Variants in COL11A2 observed in about 807,000 individuals in gnomAD.
The protein encoded by COL11A2 is collagen alpha-2(XI) chain.
A neutral mutation model predicts 273.4 loss-of-function variants in COL11A2; 116 were observed. That is an observed-to-expected ratio of 0.42 (90% CI 0.36 to 0.49). The LOEUF (loss-of-function observed/expected upper bound fraction) is 0.49. Ranked by LOEUF, COL11A2 falls within the 20% of genes least tolerant of loss-of-function variation. COL11A2 has a pLI of 0.00. For synonymous variants in COL11A2, 782 were observed against 864.2 expected (o/e 0.90, Z 1.67); for missense variants, 1,866 against 2,309.0 (o/e 0.81, Z 3.93).
In COL11A2 at chr6:33,185,742, A is replaced by AG. The variant is rs1194279553; in HGVS notation, c.834dup (p.Tyr279LeufsTer3). 7 of 1,335,380 alleles carry AG rather than the reference A, an allele frequency of 5.2e-6. No homozygotes were observed. Among genetic ancestry groups the AG allele is most frequent in the South Asian group, 4.6e-5 (4 of 87,020 alleles). 82.7% of individuals were successfully genotyped at this position (1,335,380 alleles called of 1,614,324 possible). ...GTCCCCGTAGTCATCACATCATAATAGGGGGGCTCGTAGTCATAGTAGAGA... is the reference window on the plus strand; with the variant it reads ...GTCCCCGTAGTCATCACATCATAATAGGGGGGGCTCGTAGTCATAGTAGAGA... On this transcript the variant is annotated frameshift_variant, in exon 6 of 66. Coordinates refer to ENST00000341947, the MANE Select transcript of COL11A2 (RefSeq NM_080680.3). LOFTEE classifies it high-confidence loss of function.
Position 33,176,219 on chromosome 6 carries a change from C to A in COL11A2, c.2214+40G>T. The A allele has an allele frequency of 1.2e-6, 2 of 1,608,642 alleles. No homozygotes were observed. Among genetic ancestry groups the A allele is most frequent in the Admixed American group, 1.7e-5 (1 of 59,210 alleles). On this transcript the variant is annotated intron_variant, in intron 28 of 65. Transcript: ENST00000341947. This position sits in a 1 kb window ranked among gnomAD's most constrained non-coding sequence, Gnocchi z 4.9. ...GGAAGGCAGTGAAGAGAGGAGATGG[C>A]AGGACTGAGGTGCTGGGAAGCTGGG...
rs55879324 is a variant in COL11A2 at position 33,177,301 on chromosome 6, G to C, written c.1972-76C>G. 8 of 1,604,692 alleles carry C rather than the reference G, an allele frequency of 5.0e-6. No individual in the cohort carries two copies. The highest frequency in any genetic ancestry group is 4.3e-6 in the Non-Finnish European group (5 of 1,172,978). ...CCAGCCTCCCGGATTCAAAGCATGAGCAACAAGGGCCTGAAACCCTTAATT... is the reference window on the plus strand; with the variant it reads ...CCAGCCTCCCGGATTCAAAGCATGACCAACAAGGGCCTGAAACCCTTAATT... On this transcript the variant is annotated intron_variant, in intron 23 of 65. Coordinates refer to ENST00000341947, the MANE Select transcript of COL11A2 (RefSeq NM_080680.3). The surrounding 1 kb of genome is among the most constrained non-coding windows in gnomAD (Gnocchi z 5.9).
chr6:33,168,632 G>A (rs1275418898), intron 53 of COL11A2, 60 bp from the exon 54 acceptor site: 1 of 1,603,974 alleles, frequency 6.2e-7, no homozygotes, highest in Non-Finnish European at 8.5e-7. Flanking sequence ...GACCCCTCAG[G>A]AGTGGGGCAC....
intron 5 of COL11A2, 36 bp from the exon 6 acceptor site, chr6:33,185,814 T>C (rs1286352012): frequency 7.4e-6 from 4 of 538,252 alleles, no homozygotes; most frequent in Non-Finnish European, 1.2e-5. Context: ...AGGAAGGGGA[T>C]GGGGTAATTG....
rs150429851 is a variant in COL11A2 at position 33,181,154 on chromosome 6, C to T, written c.1136G>A (p.Arg379Gln). 41 of 1,614,094 alleles carry T rather than the reference C, an allele frequency of 2.5e-5. No homozygotes were observed. Among genetic ancestry groups the T allele is most frequent in the African/African-American group, 4.0e-5 (3 of 74,920 alleles). ...CTCTCCTTTCTCTCCCTTCAGCCCT[C>T]GGGGTCCATGGGCAGCCTGAAGGAG... is the stretch of plus-strand genomic sequence containing the variant. ...AHSGAAAHGP[R>Q]GLKGEKGEPA... is the part of the protein sequence containing the mutation. The change falls in exon 9 of 66, where the codon CGA (arginine) becomes CAA (glutamine). Residue 379 changes from arginine (R) to glutamine (Q), a missense_variant. Coordinates refer to ENST00000341947, the MANE Select transcript of COL11A2 (RefSeq NM_080680.3).
rs768281037 is a variant in COL11A2 at position 33,189,346 on chromosome 6, C to G, written c.206G>C (p.Ser69Thr). Residue 69 changes from serine (S) to threonine (T), a missense_variant, in exon 2 of 66, where the codon AGT (serine) becomes ACT (threonine). By Grantham distance (58) the Ser-to-Thr change is moderately conservative. Transcript: ENST00000341947. This position sits in a 1 kb window ranked among gnomAD's most constrained non-coding sequence, Gnocchi z 5.6. ...AYRVARPAQL[S>T]APTRQLFPGG... ...TGGGAAAAGCTGGCGAGTGGGTGCA[C>G]TGAGCTGGGCAGGTCGTGCCACTCG... The G allele has an allele frequency of 6.2e-7, 1 of 1,613,598 alleles. No individual in the cohort carries two copies. The highest frequency in any genetic ancestry group is 1.1e-5 in the South Asian group (1 of 91,092).
At position 33,172,047 on chromosome 6, in the gene COL11A2, C is replaced by T. The variant is rs1249312416; in HGVS notation, c.3042+3G>A. On this transcript the variant is annotated splice_donor_region_variant and intron_variant, in intron 41 of 65. Transcript: ENST00000341947. ...CCTACCACTTCCGGAACCCCAGACTCACTGCAGGGCCAGGGGGGCCAGACG... is the reference window on the plus strand; with the variant it reads ...CCTACCACTTCCGGAACCCCAGACTTACTGCAGGGCCAGGGGGGCCAGACG... 6.2e-7 allele frequency: 1 copy of T among 1,612,998 alleles called. No homozygotes were observed.
Position 33,171,338 on chromosome 6 carries a change from G to C in COL11A2, c.3259-14C>G, listed in dbSNP as rs1313761649. 2 of 1,614,060 alleles carry C rather than the reference G, an allele frequency of 1.2e-6. No homozygotes were observed. The highest frequency in any genetic ancestry group is 4.5e-5 in the East Asian group (2 of 44,894). ...CCCCACCTCACCCTGGGAGGAGAAGGCAGACAAGATATTAGAGAAAGGTGA... is the reference window on the plus strand; with the variant it reads ...CCCCACCTCACCCTGGGAGGAGAAGCCAGACAAGATATTAGAGAAAGGTGA... On this transcript the variant is annotated splice_polypyrimidine_tract_variant and intron_variant, in intron 43 of 65. Transcript: ENST00000341947.
In COL11A2 at chr6:33,179,111, G is replaced by A. The variant is rs1562360141; in HGVS notation, c.1573C>T (p.Gln525Ter). 6.2e-7 allele frequency: 1 copy of A among 1,613,922 alleles called. No individual in the cohort carries two copies. The highest frequency in any genetic ancestry group is 1.3e-5 in the African/African-American group (1 of 75,014). The change falls in exon 16 of 66, where the codon CAG (glutamine) becomes TAG (stop). Residue 525 changes from glutamine (Q) to a stop codon, truncating the protein, a stop_gained. Transcript: ENST00000341947. LOFTEE classifies it high-confidence loss of function. This position sits in a 1 kb window ranked among gnomAD's most constrained non-coding sequence, Gnocchi z 6.4. ...DLGPQGPRGPQGLTGPPGKAG... is the reference protein window; with the variant it reads ...DLGPQGPRGP ...TTGCCAGGAGGGCCTGTGAGGCCCTGAGGTCCTCTGGGGCCCTGGTGAGAG... is the reference window on the plus strand; with the variant it reads ...TTGCCAGGAGGGCCTGTGAGGCCCTAAGGTCCTCTGGGGCCCTGGTGAGAG...
Position 33,173,375 on chromosome 6 carries a change from C to G in COL11A2, c.2709G>C (p.Pro903=), listed in dbSNP as rs779878105. 6.2e-7 allele frequency: 1 copy of G among 1,612,764 alleles called. No individual in the cohort carries two copies. The highest frequency in any genetic ancestry group is 2.2e-5 in the East Asian group (1 of 44,884). The change falls in exon 37 of 66, where the codon CCG becomes CCC. Residue 903 remains proline (P), a synonymous_variant. Transcript: ENST00000341947. This position sits in a 1 kb window ranked among gnomAD's most constrained non-coding sequence, Gnocchi z 6.3. ...CTTCTCCTCTTTGGCCTGGGTGTCC[C>G]GGCAGCCCATCCTTCCCAGGGGGGC... ...PPGPPGKDGL[P]GHPGQRGEVG... is the part of the protein sequence containing the mutation.
intron 52 of COL11A2, 97 bp from the exon 53 acceptor site, chr6:33,168,856 C>A: frequency 2.5e-6 from 4 of 1,601,270 alleles, no homozygotes; most frequent in African/African-American, 1.3e-5. Context: ...CCCTGCCATA[C>A]CCCCGGCTTC....
At chr6:33,168,880 C>T in intron 52 of COL11A2, 75 bp downstream of exon 52, 1 of 1,592,990 alleles carries the variant, frequency 6.3e-7, no homozygotes, top group Non-Finnish European at 8.6e-7. Context: ...ATACCCAAGC[C>T]CAGCGGCCAC....
At chr6:33,185,117 G>T in intron 6 of COL11A2, 63 bp from the exon 7 acceptor site, 3 of 1,266,468 alleles carry the variant, frequency 2.4e-6, no homozygotes, top group Non-Finnish European at 3.4e-6. Context: ...AAGGTTAGCA[G>T]AAGGGAGGCA....
intron 39 of COL11A2, 74 bp downstream of exon 39, chr6:33,172,456 C>A (rs571755517): frequency 2.0e-4 from 309 of 1,566,974 alleles, no homozygotes; most frequent in Admixed American, 7.0e-4. Context: ...CCCCTCAAAT[C>A]TCCAACTACC....
Position 33,179,549 on chromosome 6 carries a change from C to T in COL11A2, c.1447-62G>A. On this transcript the variant is annotated intron_variant, in intron 13 of 65. Coordinates refer to ENST00000341947, the MANE Select transcript of COL11A2 (RefSeq NM_080680.3). This position sits in a 1 kb window ranked among gnomAD's most constrained non-coding sequence, Gnocchi z 6.4. ...GCAGTGGGAACCCCCAGCCCCAGCACTCTCCAAATTCACCCTTCCTCTCCT... is the reference window on the plus strand; with the variant it reads ...GCAGTGGGAACCCCCAGCCCCAGCATTCTCCAAATTCACCCTTCCTCTCCT... The T allele has an allele frequency of 6.7e-7, 1 of 1,487,776 alleles. No individual in the cohort carries two copies. Among genetic ancestry groups the T allele is most frequent in the Non-Finnish European group, 9.2e-7 (1 of 1,089,728 alleles). 92.2% of individuals were successfully genotyped at this position (1,487,776 alleles called of 1,614,324 possible).
Position 33,170,686 on chromosome 6 carries a change from GT to G in COL11A2, c.3475-77del. 6.3e-7 allele frequency: 1 copy of G among 1,595,250 alleles called. No homozygotes were observed. Among genetic ancestry groups the G allele is most frequent in the East Asian group, 2.2e-5 (1 of 44,806 alleles). Reference sequence around the variant, plus strand: ...CAGCCCTAGGCAGATAGGCCCCACAGTCCCCTCCCCTCAGACTCCGCAGGCC... The same window carrying G: ...CAGCCCTAGGCAGATAGGCCCCACAGCCCCTCCCCTCAGACTCCGCAGGCC... On this transcript the variant is annotated intron_variant, in intron 46 of 65. Transcript: ENST00000341947. This position sits in a 1 kb window ranked among gnomAD's most constrained non-coding sequence, Gnocchi z 4.3.
Position 33,169,135 on chromosome 6 carries a change from C to A in COL11A2, c.3799-127G>T. 1 of 914,480 alleles carries A rather than the reference C, an allele frequency of 1.1e-6. No homozygotes were observed. Among genetic ancestry groups the A allele is most frequent in the Non-Finnish European group, 1.7e-6 (1 of 595,722 alleles). The allele number at this position is 914,480 out of a possible 1,614,324, so 56.6% of individuals were successfully genotyped here. ...ACCAGTACCCCCCAGGAAGAGGTCT[C>A]CTGCACCCCTTTCCCTACCACGTGC... On this transcript the variant is annotated intron_variant, in intron 51 of 65. Transcript: ENST00000341947. This position sits in a 1 kb window ranked among gnomAD's most constrained non-coding sequence, Gnocchi z 5.5.
chr6:33,165,485 A>T lies in COL11A2; in HGVS notation c.4750+64T>A. The T allele has an allele frequency of 6.2e-7, 1 of 1,600,718 alleles. No homozygotes were observed. The highest frequency in any genetic ancestry group is 8.5e-7 in the Non-Finnish European group (1 of 1,178,442). On this transcript the variant is annotated intron_variant, in intron 63 of 65. Coordinates refer to ENST00000341947, the MANE Select transcript of COL11A2 (RefSeq NM_080680.3). The surrounding 1 kb of genome is among the most constrained non-coding windows in gnomAD (Gnocchi z 7.7). ...CTTCACCAAGACTCCCCCAGCATCCATTCTGCTTGTTCAGTACCCATGCTG... is the reference window on the plus strand; with the variant it reads ...CTTCACCAAGACTCCCCCAGCATCCTTTCTGCTTGTTCAGTACCCATGCTG...
rs1196756882 is a variant in COL11A2 at position 33,166,059 on chromosome 6, A to G, written c.4429-75T>C. ...ATCAAGGTCACAGAAAGATCAAATC[A>G]GCCTCCTGGCTGGAATAAGGGGCTC... On this transcript the variant is annotated intron_variant, in intron 61 of 65. Coordinates refer to ENST00000341947, the MANE Select transcript of COL11A2 (RefSeq NM_080680.3). The surrounding 1 kb of genome is among the most constrained non-coding windows in gnomAD (Gnocchi z 4.8). 1 of 1,609,206 alleles carries G rather than the reference A, an allele frequency of 6.2e-7. No individual in the cohort carries two copies. Among genetic ancestry groups the G allele is most frequent in the East Asian group, 2.2e-5 (1 of 44,816 alleles).
Sources: gnomAD v4.1 joint callset for allele counts on GRCh38, gnomAD v4.1.1 for gene constraint, Gnocchi (gnomAD v3.1) non-coding constraint, MANE v1.5 for transcripts, NCBI Gene and HGNC (gene_info 2026-07-23, HGNC 2026-07-21) for gene names.